Variants in PPM1E observed in about 807,000 individuals in gnomAD.
PPM1E encodes the protein protein phosphatase 1E.
Under a neutral mutation model 65.9 loss-of-function variants are expected in PPM1E, and 20 were observed. That is an observed-to-expected ratio of 0.30 (90% CI 0.21 to 0.44). PPM1E has a LOEUF of 0.44. Ranked by LOEUF, PPM1E falls within the 20% of genes least tolerant of loss-of-function variation. PPM1E has a pLI of 1.00. For synonymous variants in PPM1E, 352 were observed against 374.9 expected, an observed-to-expected ratio of 0.94 and a Z score of 0.70; for missense variants, 713 against 953.1, an observed-to-expected ratio of 0.75 and a Z score of 3.32.
At chr17:58,887,449 G>A (rs955621745) in intron 1 of PPM1E, among the ~76,000 whole-genome samples, 1 of 152,110 alleles carries the variant, frequency 6.6e-6, no homozygotes, top group Non-Finnish European at 1.5e-5. Context: ...TTACAGGCGT[G>A]AGCCACTGCA....
At chr17:58,810,229 G>A (rs1412002236) in intron 1 of PPM1E, among the ~76,000 whole-genome samples, 1 of 151,402 alleles carries the variant, frequency 6.6e-6, no homozygotes, top group Non-Finnish European at 1.5e-5. Flanking sequence ...TTTTTTCTGA[G>A]ACGGAGTCTC....
At chr17:58,769,882 A>C in intron 1 of PPM1E, among the ~76,000 whole-genome samples, 1 of 151,786 alleles carries the variant, frequency 6.6e-6, no homozygotes, top group East Asian at 1.9e-4. Flanking sequence ...CAAAAATTAG[A>C]TGGGCATGGT....
chr17:58,981,166 G>C lies in PPM1E; in HGVS notation c.*135G>C. ...ATGGCTCAATTCTTAAATGTAAATA[G>C]ATCTCTAGGAAACTCAAAGTACAGT... On this transcript the variant is annotated 3_prime_UTR_variant, in exon 7 of 7. Coordinates refer to ENST00000308249, the MANE Select transcript of PPM1E (RefSeq NM_014906.5). 3.0e-6 allele frequency: 2 copies of C among 658,966 alleles called. No individual in the cohort carries two copies. Among genetic ancestry groups the C allele is most frequent in the Non-Finnish European group, 2.5e-6 (1 of 399,356 alleles). The allele number at this position is 658,966 out of a possible 1,614,324, so 40.8% of individuals were successfully genotyped here.
At chr17:58,978,570 G>A (rs929189281) in intron 6 of PPM1E, among the ~76,000 whole-genome samples, 1 of 152,124 alleles carries the variant, frequency 6.6e-6, no homozygotes, top group Admixed American at 6.5e-5. Flanking sequence ...AATTAGCCAG[G>A]TGTGGTGGCG....
At chr17:58,757,111 A>G (rs2049776314) in intron 1 of PPM1E, among the ~76,000 whole-genome samples, 1 of 152,218 alleles carries the variant, frequency 6.6e-6, no homozygotes, top group Admixed American at 6.5e-5. Context: ...CTCTTAGTTT[A>G]GACATTTGAC....
At chr17:58,774,656 G>T (rs1366373834) in intron 1 of PPM1E, among the ~76,000 whole-genome samples, 3 of 151,816 alleles carry the variant, frequency 2.0e-5, no homozygotes, top group African/African-American at 7.3e-5. Flanking sequence ...AACATATTTT[G>T]CTCCTTATTT....
intron 1 of PPM1E, among the ~76,000 whole-genome samples, chr17:58,916,656 C>T (rs1272579638): frequency 6.6e-6 from 1 of 152,056 alleles, no homozygotes; most frequent in Non-Finnish European, 1.5e-5. Flanking sequence ...CAGAAGCTAA[C>T]TAATCAGATG....
chr17:58,927,821 G>A (rs1458432410), intron 1 of PPM1E, among the ~76,000 whole-genome samples: 1 of 152,016 alleles, frequency 6.6e-6, no homozygotes, highest in East Asian at 1.9e-4. Context: ...CACTTTGGGA[G>A]GCTGAGGCAG....
At position 58,799,778 on chromosome 17, in the gene PPM1E, C is replaced by G. The variant is rs1000339411; in HGVS notation, c.464+43317C>G. On this transcript the variant is annotated intron_variant, in intron 1 of 6. Transcript: ENST00000308249. ...GTATTTTGGTAGAGATGGGGTTTCA[C>G]CATGTTGTTCAGGCTGGTCTCCAAC... 2.6e-5 allele frequency among the ~76,000 whole-genome samples: 4 copies of G among 152,108 alleles called. 1 individual carries two copies. Among genetic ancestry groups the G allele is most frequent in the African/African-American group, 9.7e-5 (4 of 41,418 alleles).
chr17:58,844,616 T>A (rs1449894917), intron 1 of PPM1E, among the ~76,000 whole-genome samples: 1 of 152,194 alleles, frequency 6.6e-6, no homozygotes, highest in African/African-American at 2.4e-5. Flanking sequence ...TCTCCCCACA[T>A]GGGGCTTTTG....
intron 1 of PPM1E, among the ~76,000 whole-genome samples, chr17:58,905,313 T>TA (rs763407139): frequency 6.6e-6 from 1 of 152,230 alleles, no homozygotes; most frequent in Admixed American, 6.5e-5. Flanking sequence ...TCTAGTTGTT[T>TA]ACCATTAAGT....
intron 1 of PPM1E, among the ~76,000 whole-genome samples, chr17:58,858,098 A>G (rs1003993309): frequency 3.2e-4 from 48 of 152,124 alleles, no homozygotes; most frequent in African/African-American, 1.1e-3. Context: ...AATGCTCTTG[A>G]TTCCTCCTTA....
At chr17:58,866,185 AT>A (rs2051001600) in intron 1 of PPM1E, among the ~76,000 whole-genome samples, 2 of 152,178 alleles carry the variant, frequency 1.3e-5, no homozygotes, top group African/African-American at 2.4e-5. Context: ...TCTTGATTAG[AT>A]TACTAACTTC....
chr17:58,898,137 A>T (rs1225223384), intron 1 of PPM1E, among the ~76,000 whole-genome samples: 1 of 152,034 alleles, frequency 6.6e-6, no homozygotes, highest in East Asian at 1.9e-4. Flanking sequence ...CTGAAATCCC[A>T]GCTACTCAGG....
intron 1 of PPM1E, among the ~76,000 whole-genome samples, chr17:58,786,256 T>C (rs2050099902): frequency 6.6e-6 from 1 of 152,044 alleles, no homozygotes; most frequent in African/African-American, 2.4e-5. Context: ...CCTCGTGATC[T>C]GCCCGCCTCG....
At chr17:58,923,749 A>C (rs2051785502) in intron 1 of PPM1E, among the ~76,000 whole-genome samples, 1 of 149,244 alleles carries the variant, frequency 6.7e-6, no homozygotes, top group Non-Finnish European at 1.5e-5. Context: ...TTCGTCTCAA[A>C]AAAAAAAAAA....
intron 6 of PPM1E, 79 bp downstream of exon 6, chr17:58,973,004 C>T (rs16943326): frequency 0.19 from 172,092 of 891,708 alleles, 17,836 homozygotes; most frequent in East Asian, 0.21. Flanking sequence ...TACAGGGAAC[C>T]TGAGATGATA....
At chr17:58,795,365 T>G (rs1483736227) in intron 1 of PPM1E, among the ~76,000 whole-genome samples, 1 of 152,230 alleles carries the variant, frequency 6.6e-6, no homozygotes, top group Non-Finnish European at 1.5e-5. Flanking sequence ...TGTTCCCTTT[T>G]TGCCACAACC....
At chr17:58,937,263 C>CTTT (rs561439071) in intron 1 of PPM1E, among the ~76,000 whole-genome samples, 7 of 133,916 alleles carry the variant, frequency 5.2e-5, no homozygotes, top group African/African-American at 8.2e-5. Flanking sequence ...AGGCCTGTCT[C>CTTT]TTTTTTTTTT....
Sources: gnomAD v4.1 joint callset for allele counts (sites outside exome capture counted in the v4.1 genomes callset) on GRCh38, gnomAD v4.1.1 for gene constraint, MANE v1.5 for transcripts, NCBI Gene and HGNC (gene_info 2026-07-23, HGNC 2026-07-21) for gene names.